Variants in SHROOM4 observed in about 807,000 individuals in gnomAD.
SHROOM4 encodes the protein shroom family member 4.
A neutral mutation model predicts 80.3 loss-of-function variants in SHROOM4; 17 were observed. The ratio of observed to expected loss-of-function variants is 0.21; its 90% CI spans 0.14 to 0.32. SHROOM4 has a LOEUF of 0.32. Ranked by LOEUF, SHROOM4 falls within the 10% of genes least tolerant of loss-of-function variation. The probability of loss-of-function intolerance (pLI) is 1.00; values close to 1 mark genes in which losing one functional copy is unlikely to be tolerated. For synonymous variants in SHROOM4, 400 were observed against 437.5 expected (o/e 0.91, Z 1.07); for missense variants, 993 against 1,140.3 (o/e 0.87, Z 1.86).
chrX:50,662,835 A>C (rs1557260075), intron 2 of SHROOM4, among the ~76,000 whole-genome samples: 1 of 111,033 alleles, frequency 9.0e-6, no homozygotes, highest in Non-Finnish European at 1.9e-5. Flanking sequence ...ATTTTTTTTC[A>C]ATCTGGAAGA....
chrX:50,742,983 A>G (rs1347418001), intron 1 of SHROOM4, among the ~76,000 whole-genome samples: 1 of 111,916 alleles, frequency 8.9e-6, no homozygotes, highest in Non-Finnish European at 1.9e-5. Flanking sequence ...CATAAAATAA[A>G]TATCTTGGAT....
At chrX:50,651,961 T>C (rs1332464550) in intron 2 of SHROOM4, among the ~76,000 whole-genome samples, 4 of 111,864 alleles carry the variant, frequency 3.6e-5, no homozygotes, top group African/African-American at 9.8e-5. Context: ...ATGTGCCATA[T>C]TTTCTTTATC....
chrX:50,651,496 C>T (rs1441310589), intron 2 of SHROOM4, among the ~76,000 whole-genome samples: 1 of 111,719 alleles, frequency 9.0e-6, no homozygotes, highest in Admixed American at 9.5e-5. Flanking sequence ...TCAGCATCAC[C>T]TGAGAACTTG....
chrX:50,706,637 A>C (rs1933686082), intron 1 of SHROOM4, among the ~76,000 whole-genome samples: 1 of 111,913 alleles, frequency 8.9e-6, no homozygotes, highest in Non-Finnish European at 1.9e-5. Context: ...GGTTGTGACA[A>C]AACCTTTTGG....
intron 1 of SHROOM4, among the ~76,000 whole-genome samples, chrX:50,759,465 T>G (rs1191937467): frequency 8.9e-6 from 1 of 112,164 alleles, no homozygotes; most frequent in African/African-American, 3.2e-5. Flanking sequence ...ATGGCAGTGC[T>G]AGCAAACGAT....
At chrX:50,805,083 T>C (rs782669840) in intron 1 of SHROOM4, among the ~76,000 whole-genome samples, 1 of 111,585 alleles carries the variant, frequency 9.0e-6, no homozygotes, top group Non-Finnish European at 1.9e-5. Context: ...GGGTGGCTTT[T>C]ACTTATATCA....
Position 50,590,140 on chromosome X carries a change from G to T in SHROOM4, c.*6555C>A, listed in dbSNP as rs1487567424. On this transcript the variant is annotated 3_prime_UTR_variant, in exon 9 of 9. Coordinates refer to ENST00000376020, the MANE Select transcript of SHROOM4 (RefSeq NM_020717.5). The stretch of plus-strand genomic sequence containing the variant: ...CTGAAGCCCTAATCCCCAATGTGAT[G>T]GCATATGGAGGTGGGGCCTTTGAGA... 2.7e-5 allele frequency among the ~76,000 whole-genome samples: 3 copies of T among 111,671 alleles called. No homozygotes were observed. The highest frequency in any genetic ancestry group is 5.6e-5 in the Non-Finnish European group (3 of 53,137).
At chrX:50,706,652 C>T (rs1348620502) in intron 1 of SHROOM4, among the ~76,000 whole-genome samples, 1 of 111,753 alleles carries the variant, frequency 8.9e-6, no homozygotes, top group Non-Finnish European at 1.9e-5. Context: ...TTTTGGATTT[C>T]ACGGGTATAT....
chrX:50,738,154 A>C (rs1934544185), intron 1 of SHROOM4, among the ~76,000 whole-genome samples: 1 of 111,003 alleles, frequency 9.0e-6, no homozygotes, highest in African/African-American at 3.3e-5. Context: ...ATTCTCAATA[A>C]ATTAAATATT....
At chrX:50,812,542 C>T (rs1569549433) in intron 1 of SHROOM4, among the ~76,000 whole-genome samples, 1 of 110,020 alleles carries the variant, frequency 9.1e-6, no homozygotes, top group Non-Finnish European at 1.9e-5. Context: ...CTCAGCATAC[C>T]TCAGACTCCT....
At chrX:50,764,645 G>A (rs1367446594) in intron 1 of SHROOM4, among the ~76,000 whole-genome samples, 1 of 111,670 alleles carries the variant, frequency 9.0e-6, no homozygotes. Flanking sequence ...AATTTCCAGA[G>A]ACTTTAAATA....
chrX:50,780,005 C>T (rs781952486), intron 1 of SHROOM4, among the ~76,000 whole-genome samples: 15 of 111,100 alleles, frequency 1.4e-4, no homozygotes, highest in Non-Finnish European at 2.5e-4. Context: ...TGGTGTTTGG[C>T]GTATCAGTGA....
chrX:50,648,561 G>T (rs1362500652), intron 2 of SHROOM4, among the ~76,000 whole-genome samples: 1 of 112,191 alleles, frequency 8.9e-6, no homozygotes, highest in Non-Finnish European at 1.9e-5. Context: ...TGGAATGTCA[G>T]AAGTATCAGA....
At position 50,589,768 on chromosome X, in the gene SHROOM4, T is replaced by A. The variant is rs938464718; in HGVS notation, c.*6927A>T. Among the ~76,000 whole-genome samples the A allele has an allele frequency of 8.9e-6, 1 of 112,157 alleles. No individual in the cohort carries two copies. The highest frequency in any genetic ancestry group is 2.8e-4 in the East Asian group (1 of 3,590). On this transcript the variant is annotated 3_prime_UTR_variant, in exon 9 of 9. Coordinates refer to ENST00000376020, the MANE Select transcript of SHROOM4 (RefSeq NM_020717.5). The stretch of plus-strand genomic sequence containing the variant: ...GTTCACGCTTTTGTTTGAACACCTG[T>A]TTCCAATTCTCTTGGGTATATACCT...
chrX:50,620,063 G>A (rs192422572), intron 5 of SHROOM4, among the ~76,000 whole-genome samples: 274 of 111,427 alleles, frequency 2.5e-3, no homozygotes, highest in African/African-American at 8.2e-3. Flanking sequence ...TCATTGGTAC[G>A]GGGATTTTTT....
chrX:50,711,226 T>C (rs1167793142), intron 1 of SHROOM4, among the ~76,000 whole-genome samples: 1 of 112,002 alleles, frequency 8.9e-6, no homozygotes, highest in Non-Finnish European at 1.9e-5. Context: ...CAAAGTGAAG[T>C]GCACTGAGGA....
intron 1 of SHROOM4, among the ~76,000 whole-genome samples, chrX:50,765,018 C>A (rs1406249812): frequency 1.8e-5 from 2 of 111,635 alleles, no homozygotes; most frequent in Admixed American, 9.5e-5. Context: ...ATCAGATCCT[C>A]ATGAGACTTA....
chrX:50,701,827 T>C (rs1295113013), intron 1 of SHROOM4, among the ~76,000 whole-genome samples: 5 of 111,113 alleles, frequency 4.5e-5, no homozygotes, highest in Non-Finnish European at 9.4e-5. Flanking sequence ...CTTTGTGACC[T>C]TGAGGTGGGC....
chrX:50,653,781 G>C (rs1297125242), intron 2 of SHROOM4, among the ~76,000 whole-genome samples: 1 of 111,840 alleles, frequency 8.9e-6, no homozygotes, highest in Non-Finnish European at 1.9e-5. Flanking sequence ...GAAGGGTGTT[G>C]AGCTTTATCG....
Sources: allele counts gnomAD v4.1 joint callset (sites outside exome capture counted in the v4.1 genomes callset), GRCh38; gene constraint gnomAD v4.1.1; transcripts MANE v1.5; gene names NCBI Gene and HGNC (gene_info 2026-07-23, HGNC 2026-07-21).